JARID2: variants seen among roughly 807,000 people sequenced by gnomAD.
JARID2 encodes jumonji and AT-rich interaction domain containing 2.
JARID2 carries 21 observed loss-of-function variants against 125.6 expected under a neutral mutation model. The ratio of observed to expected loss-of-function variants is 0.17; its 90% CI spans 0.12 to 0.24. The LOEUF (loss-of-function observed/expected upper bound fraction) is 0.24, where lower values mean the gene tolerates loss of function less well. JARID2 is among the 10% of genes least tolerant of loss of function. The pLI is 1.00. For synonymous variants in JARID2, 736 were observed against 661.6 expected (o/e 1.11, Z -1.73); for missense variants, 1,303 against 1,639.6 (o/e 0.79, Z 3.55).
intron 3 of JARID2, among the ~76,000 whole-genome samples, chr6:15,449,600 T>G (rs1767825252): frequency 6.6e-6 from 1 of 152,050 alleles, no homozygotes; most frequent in South Asian, 2.1e-4. Flanking sequence ...CCCAGGAATT[T>G]GAGGCTGTAG....
intron 2 of JARID2, among the ~76,000 whole-genome samples, chr6:15,408,281 C>T (rs531903899): frequency 3.3e-5 from 5 of 152,248 alleles, no homozygotes; most frequent in African/African-American, 1.2e-4. Flanking sequence ...TGAACTCCAC[C>T]AAGACGATAC....
At chr6:15,401,886 T>C (rs1428869778) in intron 2 of JARID2, among the ~76,000 whole-genome samples, 4 of 145,718 alleles carry the variant, frequency 2.7e-5, no homozygotes, top group African/African-American at 1.0e-4. Flanking sequence ...CTGAAGTTAT[T>C]TGTTGTCAGC....
At chr6:15,323,964 C>CCT (rs1762444162) in intron 1 of JARID2, among the ~76,000 whole-genome samples, 1 of 151,568 alleles carries the variant, frequency 6.6e-6, no homozygotes, top group Non-Finnish European at 1.5e-5. Flanking sequence ...GGGCGGATCA[C>CCT]AAGGTCAGCA....
At chr6:15,258,502 A>G (rs923006827) in intron 1 of JARID2, among the ~76,000 whole-genome samples, 14 of 152,140 alleles carry the variant, frequency 9.2e-5, no homozygotes, top group South Asian at 6.2e-4. Context: ...CTGTGACTAT[A>G]GCCGGACGTG....
chr6:15,317,903 C>T (rs1440212654), intron 1 of JARID2, among the ~76,000 whole-genome samples: 1 of 152,178 alleles, frequency 6.6e-6, no homozygotes, highest in East Asian at 1.9e-4. Flanking sequence ...CCCCTCTTCT[C>T]CTGTGTTTGT....
At chr6:15,256,569 T>C (rs1581330883) in intron 1 of JARID2, among the ~76,000 whole-genome samples, 2 of 152,220 alleles carry the variant, frequency 1.3e-5, no homozygotes, top group Admixed American at 6.5e-5. Context: ...CTTGATGTAC[T>C]CTGGGCTTAT....
intron 3 of JARID2, among the ~76,000 whole-genome samples, chr6:15,429,066 G>A (rs779562105): frequency 1.1e-4 from 17 of 151,968 alleles, no homozygotes; most frequent in Non-Finnish European, 2.1e-4. Context: ...TCTTGCCTGT[G>A]TTTGGGTGGG....
At chr6:15,384,733 TC>T (rs1392160738) in intron 2 of JARID2, among the ~76,000 whole-genome samples, 2 of 152,142 alleles carry the variant, frequency 1.3e-5, no homozygotes, top group African/African-American at 4.8e-5. Context: ...TGCTGGGACT[TC>T]AGGCATGTGC....
chr6:15,354,217 C>G (rs962666892), intron 1 of JARID2, among the ~76,000 whole-genome samples: 1 of 152,028 alleles, frequency 6.6e-6, no homozygotes, highest in Non-Finnish European at 1.5e-5. Flanking sequence ...AAGACAGGAC[C>G]GAAGGTGGGA....
chr6:15,323,709 A>G (rs943919902), intron 1 of JARID2, among the ~76,000 whole-genome samples: 1 of 152,126 alleles, frequency 6.6e-6, no homozygotes, highest in African/African-American at 2.4e-5. Context: ...GCAGATCGCA[A>G]CATGGTGAGA....
At chr6:15,447,173 C>T (rs1767710345) in intron 3 of JARID2, among the ~76,000 whole-genome samples, 2 of 152,164 alleles carry the variant, frequency 1.3e-5, no homozygotes, top group Admixed American at 6.5e-5. Context: ...TGCGCCAACC[C>T]TATGTTGTAC....
chr6:15,472,877 G>T (rs1769144285), intron 5 of JARID2, among the ~76,000 whole-genome samples: 1 of 152,210 alleles, frequency 6.6e-6, no homozygotes, highest in Non-Finnish European at 1.5e-5. Flanking sequence ...AGGGAAGTTT[G>T]AATCTTATTT....
intron 1 of JARID2, among the ~76,000 whole-genome samples, chr6:15,371,771 G>T (rs1764179332): frequency 6.6e-6 from 1 of 152,148 alleles, no homozygotes; most frequent in South Asian, 2.1e-4. Flanking sequence ...GTTAGGTTGG[G>T]GCAAGGTTTG....
intron 16 of JARID2, among the ~76,000 whole-genome samples, chr6:15,515,878 A>G (rs573489269): frequency 3.0e-4 from 46 of 151,966 alleles, no homozygotes; most frequent in African/African-American, 1.0e-3. Flanking sequence ...TACTAAAAAT[A>G]GAAAAAATTA....
rs919191425 is a variant in JARID2 at position 15,355,673 on chromosome 6, G to T, written c.46-18444G>T. 2.0e-5 allele frequency among the ~76,000 whole-genome samples: 3 copies of T among 151,444 alleles called. No individual in the cohort carries two copies. In the East Asian group the frequency reaches 5.8e-4, roughly 29 times the overall value. ...GTCACCCAGGCTGAAGTGCAGTGCT[G>T]TGATCCCGGCTCACTGCAACCTCTG... On this transcript the variant is annotated intron_variant, in intron 1 of 17. Transcript: ENST00000341776.
At chr6:15,248,430 A>C (rs927715509) in intron 1 of JARID2, 1 of 3,982 alleles carries the variant, frequency 2.5e-4, no homozygotes, top group East Asian at 7.9e-3. Context: ...GCGCGCGGGG[A>C]GGGGGTGGGA....
At chr6:15,384,375 T>A (rs1764703709) in intron 2 of JARID2, among the ~76,000 whole-genome samples, 1 of 151,382 alleles carries the variant, frequency 6.6e-6, no homozygotes, top group South Asian at 2.1e-4. Flanking sequence ...ACTTTGATTT[T>A]TTTTTTTTTT....
chr6:15,512,256 G>C lies in JARID2; in HGVS notation c.3001G>C (p.Val1001Leu). The change falls in exon 14 of 18, where the codon GTG becomes CTG. Residue 1001 changes from valine (V) to leucine (L), a missense_variant. Transcript: ENST00000341776. ...CKEGIKVHRT[V>L]QQSGQFVVCF... Reference sequence around the variant, plus strand: ...AGAGGGGATCAAGGTGCACAGGACCGTGCAGCAGAGTGGCCAGTTTGTCGT... The same window carrying C: ...AGAGGGGATCAAGGTGCACAGGACCCTGCAGCAGAGTGGCCAGTTTGTCGT... The C allele has an allele frequency of 1.2e-6, 2 of 1,614,166 alleles. No individual in the cohort carries two copies. Among genetic ancestry groups the C allele is most frequent in the Non-Finnish European group, 1.7e-6 (2 of 1,180,020 alleles).
chr6:15,386,649 A>G (rs16876301), intron 2 of JARID2, among the ~76,000 whole-genome samples: 144 of 152,292 alleles, frequency 9.5e-4, no homozygotes, highest in African/African-American at 3.3e-3. Context: ...GTATTTGCTC[A>G]TTGTGGAGTT....
Sources: gnomAD v4.1 joint callset for allele counts (sites outside exome capture counted in the v4.1 genomes callset) on GRCh38, gnomAD v4.1.1 for gene constraint, MANE v1.5 for transcripts, NCBI Gene and HGNC (gene_info 2026-07-23, HGNC 2026-07-21) for gene names.